Variants in FNIP2 observed in about 807,000 individuals in gnomAD.
The protein encoded by FNIP2 is folliculin-interacting protein 2.
A neutral mutation model predicts 108.7 loss-of-function variants in FNIP2; 32 were observed. That is an observed-to-expected ratio of 0.29 (90% CI 0.22 to 0.40). FNIP2 has a LOEUF of 0.40. Among genes scored for constraint, FNIP2 ranks in the 10% least tolerant of loss-of-function variants. FNIP2 has a pLI of 1.00. For synonymous variants in FNIP2, 480 were observed against 496.7 expected (o/e 0.97, Z 0.45); for missense variants, 1,202 against 1,381.6 (o/e 0.87, Z 2.06).
intron 14 of FNIP2, chr4:158,871,605 C>G: frequency 1.0e-6 from 1 of 985,350 alleles, no homozygotes; most frequent in Non-Finnish European, 1.2e-6. Context: ...ATAGGGCCAT[C>G]AGAAGCTGGG....
intron 7 of FNIP2, among the ~76,000 whole-genome samples, chr4:158,843,256 C>T (rs952822248): frequency 1.3e-5 from 2 of 152,102 alleles, no homozygotes; most frequent in African/African-American, 2.4e-5. Flanking sequence ...ATCTAAATGC[C>T]GTATATACTG....
intron 8 of FNIP2, among the ~76,000 whole-genome samples, chr4:158,854,066 A>G (rs542143570): frequency 3.9e-5 from 6 of 152,270 alleles, no homozygotes; most frequent in Admixed American, 2.0e-4. Flanking sequence ...TTCAATTTCT[A>G]TTTCTATGCC....
intron 7 of FNIP2, 101 bp downstream of exon 7, chr4:158,835,577 T>C: frequency 2.9e-6 from 3 of 1,043,502 alleles, no homozygotes; most frequent in Non-Finnish European, 4.4e-6. Context: ...CTCATCCTGT[T>C]CTTTGTTTTT....
intron 3 of FNIP2, 146 bp downstream of exon 3, chr4:158,829,371 C>A: frequency 3.0e-6 from 2 of 668,770 alleles, no homozygotes; most frequent in Non-Finnish European, 2.3e-6. Context: ...TGTTTCACAT[C>A]GATGTTGTTT....
chr4:158,790,840 T>G (rs1776389236), intron 1 of FNIP2, among the ~76,000 whole-genome samples: 1 of 152,138 alleles, frequency 6.6e-6, no homozygotes, highest in African/African-American at 2.4e-5. Flanking sequence ...TACCTTTAAT[T>G]TTCACTTTTT....
At chr4:158,809,772 C>G (rs1777174026) in intron 1 of FNIP2, among the ~76,000 whole-genome samples, 1 of 152,168 alleles carries the variant, frequency 6.6e-6, no homozygotes, top group African/African-American at 2.4e-5. Context: ...GTCAATTGTG[C>G]TTTACAGTTT....
intron 1 of FNIP2, among the ~76,000 whole-genome samples, chr4:158,778,620 TTATTA>T (rs1775933610): frequency 6.6e-6 from 1 of 152,232 alleles, no homozygotes; most frequent in East Asian, 1.9e-4. Context: ...TGTTCTATTT[TTATTA>T]TTAGTTATTG....
Position 158,868,849 on chromosome 4 carries a change from T to C in FNIP2, c.2213T>C (p.Met738Thr), listed in dbSNP as rs552221687. Residue 738 changes from methionine to threonine, a missense_variant, in exon 13 of 17, where the codon ATG becomes ACG. Transcript: ENST00000264433. The surrounding 1 kb of genome is among the most constrained non-coding windows in gnomAD (Gnocchi z 4.6). ...ESDFESRMKK[M>T]EERVKACGPS... Reference sequence around the variant, plus strand: ...GACTTTGAAAGCCGCATGAAAAAAATGGAGGAACGGGTGAAGGCCTGTGGC... The same window carrying C: ...GACTTTGAAAGCCGCATGAAAAAAACGGAGGAACGGGTGAAGGCCTGTGGC... 3 of 1,613,770 alleles carry C rather than the reference T, an allele frequency of 1.9e-6. No individual in the cohort carries two copies. The highest frequency in any genetic ancestry group is 4.5e-5 in the East Asian group (2 of 44,870).
At chr4:158,816,790 A>C (rs1274060776) in intron 1 of FNIP2, among the ~76,000 whole-genome samples, 1 of 151,992 alleles carries the variant, frequency 6.6e-6, no homozygotes, top group Non-Finnish European at 1.5e-5. Context: ...GTCTCAAAAA[A>C]AAAAAAAAAA....
intron 7 of FNIP2, among the ~76,000 whole-genome samples, chr4:158,847,270 G>C (rs1779458394): frequency 6.6e-6 from 1 of 152,130 alleles, no homozygotes; most frequent in African/African-American, 2.4e-5. Flanking sequence ...CACCAGCCGG[G>C]GCAACTAAGG....
intron 14 of FNIP2, among the ~76,000 whole-genome samples, chr4:158,891,042 T>A (rs1391089335): frequency 6.6e-6 from 1 of 152,142 alleles, no homozygotes; most frequent in African/African-American, 2.4e-5. Context: ...GCCAAAAGAA[T>A]CAAGCAGTCA....
intron 1 of FNIP2, among the ~76,000 whole-genome samples, chr4:158,787,424 C>G (rs1236456586): frequency 2.0e-5 from 3 of 152,184 alleles, no homozygotes; most frequent in Non-Finnish European, 4.4e-5. Context: ...AGGAACTTAA[C>G]TGTAAACTTG....
chr4:158,850,451 C>A lies in FNIP2; in HGVS notation c.728-870C>A, dbSNP rs1410467012. Among the ~76,000 whole-genome samples the A allele has an allele frequency of 4.0e-5, 6 of 151,658 alleles. No individual in the cohort carries two copies. The East Asian group carries it at 7.8e-4, about 20-fold the overall frequency. ...ACCTGAGAGGGACTAGTCCCTCCTC[C>A]CTGCCTGTTAGAAAAGTCTGGGATG... On this transcript the variant is annotated intron_variant, in intron 7 of 16. Transcript: ENST00000264433.
intron 12 of FNIP2, among the ~76,000 whole-genome samples, chr4:158,866,865 C>T (rs1028941513): frequency 6.6e-6 from 1 of 152,228 alleles, no homozygotes; most frequent in Non-Finnish European, 1.5e-5. Context: ...GCATGAGCCA[C>T]CGCACCCAGC....
intron 1 of FNIP2, among the ~76,000 whole-genome samples, chr4:158,817,578 A>C (rs1318982918): frequency 2.6e-5 from 4 of 152,014 alleles, no homozygotes; most frequent in African/African-American, 9.7e-5. Flanking sequence ...ACAGTGTCTC[A>C]CTCTGTCGCC....
chr4:158,900,658 C>T lies in FNIP2; in HGVS notation c.3267-3808C>T, dbSNP rs1053753697. On this transcript the variant is annotated intron_variant, in intron 16 of 16. Transcript: ENST00000264433. Reference sequence around the variant, plus strand: ...TTTTATCAGGACTAGGACTACAACCCCTACTTTTTTTCACTTTCCATTTGC... The same window carrying T: ...TTTTATCAGGACTAGGACTACAACCTCTACTTTTTTTCACTTTCCATTTGC... Among the ~76,000 whole-genome samples the T allele has an allele frequency of 3.3e-5, 5 of 152,100 alleles. No homozygotes were observed. The South Asian group carries it at 6.2e-4, about 19-fold the overall frequency.
intron 14 of FNIP2, chr4:158,871,511 T>A: frequency 1.0e-6 from 1 of 985,268 alleles, no homozygotes; most frequent in Non-Finnish European, 1.2e-6. Context: ...AGGCTAAGTA[T>A]ATTTATGTGA....
At chr4:158,826,529 T>C (rs1778165992) in intron 2 of FNIP2, among the ~76,000 whole-genome samples, 1 of 152,230 alleles carries the variant, frequency 6.6e-6, no homozygotes, top group Admixed American at 6.5e-5. Context: ...CCTGCATTGT[T>C]ATCTTCAAAA....
chr4:158,802,492 T>G (rs1339800713), intron 1 of FNIP2, among the ~76,000 whole-genome samples: 1 of 152,232 alleles, frequency 6.6e-6, no homozygotes, highest in African/African-American at 2.4e-5. Flanking sequence ...GTATTAAGTC[T>G]TAGATTTTTC....
Sources: gnomAD v4.1 joint callset for allele counts (sites outside exome capture counted in the v4.1 genomes callset) on GRCh38, gnomAD v4.1.1 for gene constraint, Gnocchi (gnomAD v3.1) non-coding constraint, MANE v1.5 for transcripts, NCBI Gene and HGNC (gene_info 2026-07-23, HGNC 2026-07-21) for gene names.